The following SUGCT variants were observed in gnomAD, a reference collection of about 807,000 sequenced individuals.
SUGCT encodes succinyl-CoA:glutarate-CoA transferase, also known as succinyl-CoA:glutarate CoA-transferase.
In SUGCT, 41 loss-of-function variants were observed where a neutral mutation model predicts 55.0. The observed-to-expected ratio is 0.74, with a 90% CI of 0.58 to 0.97. SUGCT has a LOEUF of 0.97. Ranked by LOEUF, SUGCT falls within the 50% of genes least tolerant of loss-of-function variation. The pLI is 0.00. For synonymous variants in SUGCT, 187 were observed against 200.4 expected (o/e 0.93, Z 0.56); for missense variants, 568 against 547.8 (o/e 1.04, Z -0.37).
At chr7:40,226,150 C>A (rs1788337278) in intron 6 of SUGCT, among the ~76,000 whole-genome samples, 1 of 152,088 alleles carries the variant, frequency 6.6e-6, no homozygotes. Context: ...TGGAATCCTG[C>A]TGAGGTTGGT....
At chr7:40,705,478 A>G (rs1228280678) in intron 12 of SUGCT, among the ~76,000 whole-genome samples, 2 of 151,842 alleles carry the variant, frequency 1.3e-5, no homozygotes, top group Non-Finnish European at 2.9e-5. Context: ...CAGTGATTCT[A>G]TTTTCTAATT....
the SUGCT span, among the ~76,000 whole-genome samples, chr7:41,023,292 A>G: frequency 6.6e-6 from 1 of 152,176 alleles, no homozygotes; most frequent in Non-Finnish European, 1.5e-5. Context: ...ACAGCAGAGC[A>G]TAGCCTAACC....
chr7:40,183,411 C>T (rs755575352), intron 3 of SUGCT, among the ~76,000 whole-genome samples: 1 of 152,184 alleles, frequency 6.6e-6, no homozygotes, highest in Non-Finnish European at 1.5e-5. Context: ...GTGATCATAG[C>T]TCACCATAGC....
chr7:40,568,661 T>G (rs1257033975), intron 12 of SUGCT, among the ~76,000 whole-genome samples: 1 of 152,208 alleles, frequency 6.6e-6, no homozygotes, highest in Non-Finnish European at 1.5e-5. Flanking sequence ...AATGACATTG[T>G]AATGATGCTA....
At chr7:40,462,392 C>T (rs986728006) in intron 11 of SUGCT, among the ~76,000 whole-genome samples, 8 of 151,994 alleles carry the variant, frequency 5.3e-5, no homozygotes, top group Admixed American at 3.3e-4. Context: ...CAGATCAAGT[C>T]GTGAACTCAT....
intron 13 of SUGCT, among the ~76,000 whole-genome samples, chr7:40,784,542 C>A (rs189674267): frequency 6.6e-6 from 1 of 152,284 alleles, no homozygotes; most frequent in Non-Finnish European, 1.5e-5. Context: ...CACGTGAATT[C>A]TTGACCTCTT....
chr7:40,856,834 A>T (rs1163427674), intron 13 of SUGCT, among the ~76,000 whole-genome samples: 1 of 152,230 alleles, frequency 6.6e-6, no homozygotes, highest in African/African-American at 2.4e-5. Context: ...GGATTGCACC[A>T]ATTTACACTC....
At chr7:40,496,239 A>T in intron 11 of SUGCT, 45 bp from the exon 12 acceptor site, 1 of 1,272,656 alleles carries the variant, frequency 7.9e-7, no homozygotes, top group Non-Finnish European at 1.1e-6. Flanking sequence ...AGGCTGTGTT[A>T]CATTCCTTCC....
chr7:40,732,491 G>T (rs1477015437), intron 12 of SUGCT, among the ~76,000 whole-genome samples: 3 of 152,192 alleles, frequency 2.0e-5, no homozygotes, highest in African/African-American at 7.2e-5. Flanking sequence ...TGTAAGGTTG[G>T]ATTCAAGGAC....
intron 9 of SUGCT, among the ~76,000 whole-genome samples, chr7:40,430,047 G>T (rs1186941739): frequency 6.6e-6 from 1 of 152,018 alleles, no homozygotes; most frequent in African/African-American, 2.4e-5. Context: ...ATTTTGTGTA[G>T]GTACTACCAT....
At chr7:40,600,691 G>A (rs993931837) in intron 12 of SUGCT, among the ~76,000 whole-genome samples, 1 of 149,002 alleles carries the variant, frequency 6.7e-6, no homozygotes, top group Non-Finnish European at 1.5e-5. Flanking sequence ...GGGGACATGT[G>A]AATTCAGAAT....
intron 9 of SUGCT, among the ~76,000 whole-genome samples, chr7:40,441,732 G>A (rs943932968): frequency 6.6e-6 from 1 of 152,152 alleles, no homozygotes; most frequent in Non-Finnish European, 1.5e-5. Flanking sequence ...GGCCAGCAAA[G>A]TGTGGGAAGT....
chr7:40,627,405 G>A (rs1265526056), intron 12 of SUGCT, among the ~76,000 whole-genome samples: 1 of 152,164 alleles, frequency 6.6e-6, no homozygotes, highest in Non-Finnish European at 1.5e-5. Flanking sequence ...CAGTCTGATT[G>A]GTTGTGGAAA....
chr7:40,751,201 C>G (rs1341159371), intron 13 of SUGCT, among the ~76,000 whole-genome samples: 2 of 152,054 alleles, frequency 1.3e-5, no homozygotes, highest in Non-Finnish European at 2.9e-5. Flanking sequence ...GAGGGAACAG[C>G]ATGGGAGAAA....
intron 13 of SUGCT, among the ~76,000 whole-genome samples, chr7:40,789,691 T>C (rs1036468215): frequency 7.9e-5 from 12 of 152,202 alleles, no homozygotes; most frequent in African/African-American, 2.7e-4. Flanking sequence ...AAAAGCCTTA[T>C]GAAAGAGTCC....
intron 12 of SUGCT, among the ~76,000 whole-genome samples, chr7:40,728,256 T>C (rs959585331): frequency 1.1e-4 from 17 of 152,182 alleles, no homozygotes; most frequent in African/African-American, 4.1e-4. Flanking sequence ...CAGTGGCTCA[T>C]GCCTGTAATC....
chr7:40,999,056 G>T, the SUGCT span, among the ~76,000 whole-genome samples: 7 of 152,134 alleles, frequency 4.6e-5, no homozygotes, highest in South Asian at 1.5e-3. Flanking sequence ...AATGCAGTGT[G>T]GCACAACAGA....
rs377538558 is a variant in SUGCT, at chr7:40,249,228, G to A, written c.576+11502G>A. 6.5e-4 allele frequency among the ~76,000 whole-genome samples: 96 copies of A among 148,354 alleles called. 2 individuals carry two copies. In the South Asian group the frequency reaches 0.02, roughly 31 times the overall value. On this transcript the variant is annotated intron_variant, in intron 7 of 13. Transcript: ENST00000335693. ...GATTACTTGAGCCCAGGAGATAGAG[G>A]CTGCAGTGAGCCATGATCTTGCCAC... is the stretch of plus-strand genomic sequence containing the variant.
chr7:40,664,399 C>T (rs774992506), intron 12 of SUGCT, among the ~76,000 whole-genome samples: 59 of 152,136 alleles, frequency 3.9e-4, no homozygotes, highest in Non-Finnish European at 6.8e-4. Flanking sequence ...ATTGCACTGG[C>T]TCAATCTGGA....
Sources: gnomAD v4.1 joint callset for allele counts (sites outside exome capture counted in the v4.1 genomes callset) on GRCh38, gnomAD v4.1.1 for gene constraint, MANE v1.5 for transcripts, NCBI Gene and HGNC (gene_info 2026-07-23, HGNC 2026-07-21) for gene names.